Variants in NCAM1 observed in about 807,000 individuals in gnomAD.
NCAM1 encodes the protein antigen recognized by monoclonal antibody 5.1H11.
Under a neutral mutation model 109.8 loss-of-function variants are expected in NCAM1, and 14 were observed. That is an observed-to-expected ratio of 0.13 (90% CI 0.08 to 0.20). The LOEUF is 0.20. Among genes scored for constraint, NCAM1 ranks in the 10% least tolerant of loss-of-function variants. The pLI is 1.00. For missense variants in NCAM1, 774 were observed against 1,109.9 expected (o/e 0.70, Z 4.30); for synonymous variants, 418 against 442.9 (o/e 0.94, Z 0.70).
chr11:113,037,104 C>G (rs1329411983), intron 1 of NCAM1, among the ~76,000 whole-genome samples: 2 of 152,158 alleles, frequency 1.3e-5, no homozygotes, highest in Non-Finnish European at 2.9e-5. Context: ...GTACCTGATA[C>G]CACACCAATG....
At chr11:113,265,149 A>G (rs1946112104) in intron 17 of NCAM1, 1 of 985,078 alleles carries the variant, frequency 1.0e-6, no homozygotes, top group Middle Eastern at 5.2e-4. Context: ...TGAGGGCTTT[A>G]TGAAGTTTAC....
At chr11:112,985,690 A>C (rs1416481622) in intron 1 of NCAM1, among the ~76,000 whole-genome samples, 6 of 151,700 alleles carry the variant, frequency 4.0e-5, no homozygotes, top group African/African-American at 1.5e-4. Context: ...GATTGTTTTT[A>C]GATTTCTTTT....
intron 1 of NCAM1, among the ~76,000 whole-genome samples, chr11:113,085,460 T>C (rs181174017): frequency 1.5e-3 from 236 of 152,352 alleles, no homozygotes; most frequent in Non-Finnish European, 3.0e-3. Flanking sequence ...TGAAAAGTGA[T>C]GGATATAGAC....
chr11:113,115,713 A>G (rs1555094717), intron 1 of NCAM1, among the ~76,000 whole-genome samples: 1 of 152,226 alleles, frequency 6.6e-6, no homozygotes, highest in Non-Finnish European at 1.5e-5. Context: ...CACTCTGTGG[A>G]TGCTCTGAAG....
intron 3 of NCAM1, among the ~76,000 whole-genome samples, chr11:113,205,265 C>T (rs766424041): frequency 4.6e-5 from 7 of 152,160 alleles, no homozygotes; most frequent in Non-Finnish European, 8.8e-5. Context: ...GAAGATATTC[C>T]TTTCATTCTG....
chr11:113,244,737 G>A (rs1197642247), intron 14 of NCAM1, among the ~76,000 whole-genome samples: 1 of 151,864 alleles, frequency 6.6e-6, no homozygotes. Context: ...TAAAACCAAA[G>A]GAGCAATTGC....
chr11:113,232,432 C>G, intron 11 of NCAM1, 78 bp downstream of exon 11: 3 of 1,393,420 alleles, frequency 2.2e-6, no homozygotes, highest in Non-Finnish European at 3.0e-6. Context: ...CAGCTCAAGT[C>G]CTCTCTCCTG....
chr11:113,068,061 C>A (rs1264453), intron 1 of NCAM1, among the ~76,000 whole-genome samples: 80,646 of 151,796 alleles, frequency 0.53, 22,161 homozygotes, highest in Middle Eastern at 0.58. Context: ...CGGGCACCCG[C>A]CACCATGCCT....
intron 1 of NCAM1, among the ~76,000 whole-genome samples, chr11:113,154,423 C>T (rs1942339825): frequency 2.0e-5 from 3 of 152,038 alleles, no homozygotes; most frequent in African/African-American, 7.3e-5. Flanking sequence ...AAGAAAGAAG[C>T]AGAGAGGTCT....
chr11:113,132,125 G>T (rs574081283), intron 1 of NCAM1, among the ~76,000 whole-genome samples: 63 of 152,144 alleles, frequency 4.1e-4, no homozygotes, highest in Non-Finnish European at 6.2e-4. Context: ...TGTGGACACT[G>T]TTTTAGCTTG....
At chr11:113,184,859 C>A (rs1012318947) in intron 1 of NCAM1, among the ~76,000 whole-genome samples, 3 of 151,928 alleles carry the variant, frequency 2.0e-5, no homozygotes, top group Non-Finnish European at 2.9e-5. Context: ...GCAGTGGTGT[C>A]CAGTCGTAAC....
intron 1 of NCAM1, among the ~76,000 whole-genome samples, chr11:113,000,981 G>A (rs1555072350): frequency 6.6e-6 from 1 of 151,928 alleles, no homozygotes; most frequent in Admixed American, 6.6e-5. Flanking sequence ...AAGAAGGAAT[G>A]TTTCCATGTC....
chr11:113,165,292 A>C (rs1404132036), intron 1 of NCAM1, among the ~76,000 whole-genome samples: 2 of 152,230 alleles, frequency 1.3e-5, no homozygotes, highest in Non-Finnish European at 2.9e-5. Context: ...GAATTTGGAA[A>C]AGGCCAATCG....
chr11:113,048,195 G>T (rs1436027998), intron 1 of NCAM1, among the ~76,000 whole-genome samples: 1 of 152,188 alleles, frequency 6.6e-6, no homozygotes, highest in Non-Finnish European at 1.5e-5. Context: ...TTAAAATATT[G>T]AGGAGGGAAA....
rs1296783820 is a variant in NCAM1, at chr11:113,277,560, G to C, written c.*2173G>C. 2.5e-6 allele frequency: 1 copy of C among 397,460 alleles called. No individual in the cohort carries two copies. Among genetic ancestry groups the C allele is most frequent in the Non-Finnish European group, 4.4e-6 (1 of 225,876 alleles). 24.6% of individuals were successfully genotyped at this position (397,460 alleles called of 1,614,324 possible). ...GGCAGGCTCTTCTGGTCACCAGGCT[G>C]TTCAGTGGACTCAGTTCTTCATCTT... On this transcript the variant is annotated 3_prime_UTR_variant, in exon 20 of 20. Coordinates refer to ENST00000316851, the MANE Select transcript of NCAM1 (RefSeq NM_181351.5).
intron 1 of NCAM1, among the ~76,000 whole-genome samples, chr11:113,015,041 C>A (rs1447584839): frequency 3.3e-5 from 5 of 152,250 alleles, no homozygotes; most frequent in Non-Finnish European, 5.9e-5. Flanking sequence ...TCTCCACCCC[C>A]TCACCATTTC....
intron 1 of NCAM1, among the ~76,000 whole-genome samples, chr11:112,965,149 T>C (rs1174157574): frequency 6.6e-6 from 1 of 152,152 alleles, no homozygotes; most frequent in Non-Finnish European, 1.5e-5. Context: ...CCTCTAAGTC[T>C]TACAATGATA....
chr11:113,239,357 T>C (rs782781320), intron 14 of NCAM1, among the ~76,000 whole-genome samples: 3 of 152,188 alleles, frequency 2.0e-5, no homozygotes, highest in Non-Finnish European at 4.4e-5. Context: ...TCCTTACAAC[T>C]AGCTAGGAAT....
intron 1 of NCAM1, among the ~76,000 whole-genome samples, chr11:113,138,466 A>G (rs1246078762): frequency 6.6e-6 from 1 of 152,244 alleles, no homozygotes; most frequent in African/African-American, 2.4e-5. Context: ...GCAAACGGCA[A>G]GAATGACGGC....
Sources: allele counts gnomAD v4.1 joint callset (sites outside exome capture counted in the v4.1 genomes callset), GRCh38; gene constraint gnomAD v4.1.1; transcripts MANE v1.5; gene names NCBI Gene and HGNC (gene_info 2026-07-23, HGNC 2026-07-21).